Variants in GLB1L3 observed in about 807,000 individuals in gnomAD.
GLB1L3 encodes the protein beta-galactosidase-1-like protein 3.
In GLB1L3, 89 loss-of-function variants were observed where a neutral mutation model predicts 89.5. That is an observed-to-expected ratio of 0.99 (90% CI 0.84 to 1.19). GLB1L3 has a LOEUF of 1.19. GLB1L3 is among the 50% of genes most tolerant of loss of function. The pLI, the probability that GLB1L3 is intolerant of heterozygous loss-of-function variation, is 0.00. For synonymous variants in GLB1L3, 314 were observed against 312.3 expected (o/e 1.01, Z -0.06); for missense variants, 812 against 813.3 (o/e 1.00, Z 0.02).
intron 9 of GLB1L3, among the ~76,000 whole-genome samples, chr11:134,298,492 C>T (rs993134578): frequency 1.3e-5 from 2 of 152,126 alleles, no homozygotes; most frequent in African/African-American, 4.8e-5. Flanking sequence ...TGTGTCTCCA[C>T]CCAAATCTCA....
chr11:134,322,436 G>T (rs1438304730), downstream of GLB1L3, among the ~76,000 whole-genome samples: 1 of 152,176 alleles, frequency 6.6e-6, no homozygotes, highest in Non-Finnish European at 1.5e-5. Context: ...AAAATGAGTT[G>T]TAAACTCTTT....
intron 3 of GLB1L3, 64 bp from the exon 4 acceptor site, chr11:134,281,313 G>A (rs1168229202): frequency 1.3e-6 from 2 of 1,596,446 alleles, no homozygotes; most frequent in Non-Finnish European, 8.6e-7. Flanking sequence ...ATTTGGGGCA[G>A]ACCTAACAAT....
downstream of GLB1L3, among the ~76,000 whole-genome samples, chr11:134,322,873 ATATT>A (rs1264561225): frequency 2.0e-5 from 3 of 152,320 alleles, no homozygotes; most frequent in East Asian, 5.8e-4. Context: ...GCTACTATGA[ATATT>A]CATGCATAAG....
the GLB1L3 span, among the ~76,000 whole-genome samples, chr11:134,324,576 T>C: frequency 1.3e-4 from 20 of 152,328 alleles, no homozygotes; most frequent in African/African-American, 4.8e-4. Context: ...CCGACCACTA[T>C]CGTTTTTTCT....
chr11:134,317,282 C>T (rs1943026192), intron 18 of GLB1L3, among the ~76,000 whole-genome samples: 3 of 152,080 alleles, frequency 2.0e-5, no homozygotes, highest in African/African-American at 7.2e-5. Flanking sequence ...TCTTGGTTGC[C>T]AGTTGATTTT....
chr11:134,313,607 T>G (rs1942848261), intron 16 of GLB1L3, 133 bp downstream of exon 16: 1 of 788,762 alleles, frequency 1.3e-6, no homozygotes, highest in African/African-American at 1.7e-5. Flanking sequence ...GGAGCAGAGA[T>G]GCAAAATCGG....
At chr11:134,293,893 C>G (rs577406928) in intron 9 of GLB1L3, among the ~76,000 whole-genome samples, 1 of 152,102 alleles carries the variant, frequency 6.6e-6, no homozygotes, top group East Asian at 1.9e-4. Flanking sequence ...AGCTGGGCCG[C>G]TGTGAGCCTC....
intron 9 of GLB1L3, among the ~76,000 whole-genome samples, chr11:134,302,159 C>T (rs183820720): frequency 3.5e-3 from 531 of 152,258 alleles, no homozygotes; most frequent in Admixed American, 7.1e-3. Flanking sequence ...GTCCCAGACT[C>T]ACCTGATACA....
intron 7 of GLB1L3, among the ~76,000 whole-genome samples, chr11:134,290,395 A>C (rs1301793960): frequency 1.3e-5 from 2 of 152,050 alleles, no homozygotes; most frequent in Non-Finnish European, 2.9e-5. Context: ...CAACGTGTCA[A>C]AACTCTGTCT....
intron 10 of GLB1L3, among the ~76,000 whole-genome samples, chr11:134,308,559 C>CCAT (rs1942515144): frequency 3.8e-5 from 5 of 132,766 alleles, no homozygotes; most frequent in East Asian, 2.3e-4. Context: ...ATCACCATCA[C>CCAT]CACCACCACC....
chr11:134,304,651 AT>A (rs1942100479), intron 9 of GLB1L3, among the ~76,000 whole-genome samples: 1 of 152,120 alleles, frequency 6.6e-6, no homozygotes. Context: ...CTTAAAAAAA[AT>A]CTTTGTTAGG....
intron 6 of GLB1L3, among the ~76,000 whole-genome samples, chr11:134,285,939 C>T (rs1445172334): frequency 7.1e-5 from 10 of 140,544 alleles, no homozygotes; most frequent in African/African-American, 2.1e-4. Context: ...GACGGAGTCT[C>T]ACTCTGTTGC....
chr11:134,310,011 G>C, intron 11 of GLB1L3: 1 of 524,580 alleles, frequency 1.9e-6, no homozygotes, highest in Non-Finnish European at 3.4e-6. Flanking sequence ...TGCCCTGTTG[G>C]CTTGAACCTC....
At chr11:134,308,196 T>TCACCAC (rs1565412226) in intron 10 of GLB1L3, among the ~76,000 whole-genome samples, 2 of 68,814 alleles carry the variant, frequency 2.9e-5, no homozygotes, top group Non-Finnish European at 2.6e-5. Context: ...ATCATCACCA[T>TCACCAC]CACCACTACC....
chr11:134,281,266 T>G (rs1413607642), intron 3 of GLB1L3, 111 bp from the exon 4 acceptor site: 1 of 1,247,004 alleles, frequency 8.0e-7, no homozygotes, highest in African/African-American at 1.5e-5. Flanking sequence ...TAACTTCAAC[T>G]TATTTCAAAA....
In GLB1L3 at chr11:134,277,881, C is replaced by G. The variant is rs768314984; in HGVS notation, c.331C>G (p.Leu111Val). The G allele has an allele frequency of 1.2e-6, 2 of 1,614,060 alleles. No homozygotes were observed. Among genetic ancestry groups the G allele is most frequent in the South Asian group, 2.2e-5 (2 of 91,070 alleles). Reference sequence around the variant, plus strand: ...GTACTGGAGGGACCGCCTGCTGAAGCTGAAGGCCTGTGGCTTCAATACTGT... The same window carrying G: ...GTACTGGAGGGACCGCCTGCTGAAGGTGAAGGCCTGTGGCTTCAATACTGT... ...REYWRDRLLK[L>V]KACGFNTVTT... The change falls in exon 3 of 20, where the codon CTG becomes GTG. Residue 111 changes from leucine (L) to valine (V), a missense_variant. Leu to Val is a conservative substitution (Grantham distance 32). This residue lies in a region of GLB1L3 where 191 missense variants were observed against 191.4 expected (regional missense o/e 1.00). Coordinates refer to ENST00000431683, the MANE Select transcript of GLB1L3 (RefSeq NM_001080407.3).
At chr11:134,282,771 C>G (rs566625344) in intron 5 of GLB1L3, among the ~76,000 whole-genome samples, 2 of 152,312 alleles carry the variant, frequency 1.3e-5, no homozygotes, top group Non-Finnish European at 1.5e-5. Context: ...TGGGGCTCTG[C>G]CTCCAGTGAG....
chr11:134,289,724 G>A (rs1376277320), intron 7 of GLB1L3, among the ~76,000 whole-genome samples: 1 of 152,168 alleles, frequency 6.6e-6, no homozygotes, highest in Non-Finnish European at 1.5e-5. Flanking sequence ...TAAGATAAAC[G>A]TCGTCTCTTC....
At chr11:134,316,964 A>T (rs1305650507) in intron 18 of GLB1L3, 2 of 152,082 alleles carry the variant, frequency 1.3e-5, no homozygotes, top group African/African-American at 4.8e-5. Context: ...AATAGTGTAG[A>T]CCGAAGGCGC....
Sources: gnomAD v4.1 joint callset for allele counts (sites outside exome capture counted in the v4.1 genomes callset) on GRCh38, gnomAD v4.1.1 for gene constraint, gnomAD v4.1.1 regional missense constraint, MANE v1.5 for transcripts, NCBI Gene and HGNC (gene_info 2026-07-23, HGNC 2026-07-21) for gene names.